The following HNRNPU variants were observed in gnomAD, a reference collection of about 807,000 sequenced individuals.
The protein encoded by HNRNPU is HNRNPU antisense RNA 1.
Under a neutral mutation model 94.7 loss-of-function variants are expected in HNRNPU, and 5 were observed. The observed-to-expected ratio is 0.05, with a 90% CI of 0.03 to 0.11. The LOEUF (loss-of-function observed/expected upper bound fraction) is 0.11, where lower values mean the gene tolerates loss of function less well. Ranked by LOEUF, HNRNPU falls within the 10% of genes least tolerant of loss-of-function variation. The pLI is 1.00. For synonymous variants in HNRNPU, 434 were observed against 381.6 expected, an observed-to-expected ratio of 1.14 and a Z score of -1.60; for missense variants, 710 against 1,049.2, an observed-to-expected ratio of 0.68 and a Z score of 4.47.
Position 244,862,614 on chromosome 1 carries a change from T to C in HNRNPU, c.803+5A>G. 6.2e-7 allele frequency: 1 copy of C among 1,609,092 alleles called. No individual in the cohort carries two copies. Among genetic ancestry groups the C allele is most frequent in the South Asian group, 1.1e-5 (1 of 90,968 alleles). On this transcript the variant is annotated splice_donor_5th_base_variant and intron_variant, in intron 2 of 13. Coordinates refer to ENST00000640218, the MANE Select transcript of HNRNPU (RefSeq NM_031844.3). ...GATGAGTAAAACTAGGTGAGCATCC[T>C]ATACCTGCTATACTTGTTCTCTTCA... is the stretch of plus-strand genomic sequence containing the variant.
In HNRNPU at chr1:244,860,306, A is replaced by T; in HGVS notation, c.1017+29T>A. 1.9e-6 allele frequency: 3 copies of T among 1,599,376 alleles called. No individual in the cohort carries two copies. The South Asian group carries it at 3.4e-5, about 18-fold the overall frequency. ...ACAGAGTGAGACTGTCTCCACAAAC[A>T]AACAAACAAATCATAAAATTGCATT... On this transcript the variant is annotated intron_variant, in intron 4 of 13. Transcript: ENST00000640218.
chr1:244,857,989 T>TA (rs750413170), intron 7 of HNRNPU, 22 bp downstream of exon 7: 8,494 of 1,339,872 alleles, frequency 6.3e-3, no homozygotes, highest in Non-Finnish European at 6.9e-3. Flanking sequence ...ATGCCACAGT[T>TA]AAAAAAAAAA....
rs1195692136 is a variant in HNRNPU, at chr1:244,854,259, T to C, written c.*191A>G. 1 of 588,082 alleles carries C rather than the reference T, an allele frequency of 1.7e-6. No homozygotes were observed. Among genetic ancestry groups the C allele is most frequent in the Non-Finnish European group, 3.0e-6 (1 of 330,392 alleles). 36.4% of individuals were successfully genotyped at this position (588,082 alleles called of 1,614,324 possible). The stretch of plus-strand genomic sequence containing the variant: ...GCACAATGCTGAGGTTCTCTTACGA[T>C]TCACTTTTAAACTGCAATTAAAAAT... On this transcript the variant is annotated 3_prime_UTR_variant, in exon 14 of 14. Transcript: ENST00000640218.
intron 3 of HNRNPU, 138 bp from the exon 4 acceptor site, chr1:244,860,612 C>T (rs1398033235): frequency 3.0e-6 from 2 of 661,634 alleles, no homozygotes; most frequent in Non-Finnish European, 5.2e-6. Context: ...GCTGTTGTTC[C>T]AATTTTCAGT....
intron 3 of HNRNPU, 93 bp from the exon 4 acceptor site, chr1:244,860,567 ACTT>A (rs754464876): frequency 6.2e-6 from 6 of 960,658 alleles, no homozygotes; most frequent in African/African-American, 1.7e-5. Flanking sequence ...TTTTGCATGT[ACTT>A]CTTAATGCTG....
In HNRNPU at chr1:244,852,812, C is replaced by G. The variant is rs1200403610; in HGVS notation, c.*1638G>C. The stretch of plus-strand genomic sequence containing the variant: ...TATAGCAAACCTAAACTTACCAAAG[C>G]AACCTAAAAACACCAAGGAAACGCT... On this transcript the variant is annotated 3_prime_UTR_variant, in exon 14 of 14. Transcript: ENST00000640218. 2 of 152,524 alleles carry G rather than the reference C, an allele frequency of 1.3e-5. No homozygotes were observed. Among genetic ancestry groups the G allele is most frequent in the Non-Finnish European group, 2.9e-5 (2 of 68,020 alleles). 9.4% of individuals were successfully genotyped at this position (152,524 alleles called of 1,614,324 possible).
chr1:244,859,104 C>T (rs767091684), intron 5 of HNRNPU, 171 bp downstream of exon 5: 55 of 577,860 alleles, frequency 9.5e-5, no homozygotes, highest in Non-Finnish European at 1.5e-4. Context: ...AATAAAGGAA[C>T]AAAAACTAAA....
intron 4 of HNRNPU, 53 bp from the exon 5 acceptor site, chr1:244,859,427 T>C: frequency 1.1e-6 from 1 of 880,816 alleles, no homozygotes; most frequent in South Asian, 1.4e-5. Flanking sequence ...AGGTAACCCC[T>C]TAACTCTCGC....
chr1:244,862,819 AT>A, intron 1 of HNRNPU, 89 bp from the exon 2 acceptor site: 1 of 877,134 alleles, frequency 1.1e-6, no homozygotes, highest in Non-Finnish European at 1.9e-6. Context: ...GCTCGACTTT[AT>A]CCTGCTTTTT....
intron 1 of HNRNPU, 176 bp from the exon 2 acceptor site, chr1:244,862,906 G>A (rs1460781513): frequency 1.7e-5 from 11 of 632,556 alleles, no homozygotes; most frequent in Non-Finnish European, 8.5e-6. Flanking sequence ...CGCTAGTGAC[G>A]CAGTCTAAAG....
intron 3 of HNRNPU, chr1:244,861,164 TTC>T (rs2102988503): frequency 6.6e-6 from 1 of 152,332 alleles, no homozygotes; most frequent in Non-Finnish European, 1.5e-5. Flanking sequence ...TTCCTCAGAC[TTC>T]TCACTTGAAC....
chr1:244,856,371 T>G, intron 10 of HNRNPU, 86 bp downstream of exon 10: 2 of 1,391,572 alleles, frequency 1.4e-6, no homozygotes, highest in Admixed American at 4.3e-5. Flanking sequence ...CTAATAGATT[T>G]AACATAGTTA....
At position 244,863,737 on chromosome 1, in the gene HNRNPU, TG is replaced by T; in HGVS notation, c.570del (p.Thr191ProfsTer6). 3 of 1,575,352 alleles carry T rather than the reference TG, an allele frequency of 1.9e-6. No homozygotes were observed. Among genetic ancestry groups the T allele is most frequent in the South Asian group, 1.1e-5 (1 of 88,158 alleles). On this transcript the variant is annotated frameshift_variant, in exon 1 of 14. Transcript: ENST00000640218. LOFTEE classifies it high-confidence loss of function. ...AKEAAGKSSG[P>X]TSLFAVTVAP... ...GCCACCGTCACCGCGAACAGCGAGG[TG>T]GGGCCGCTGCTCTTCCCCGCGGCCT...
At chr1:244,857,878 A>G (rs1019076880) in intron 7 of HNRNPU, 133 bp downstream of exon 7, 4 of 1,298,718 alleles carry the variant, frequency 3.1e-6, no homozygotes, top group African/African-American at 3.0e-5. Flanking sequence ...ATAAGGGGGA[A>G]ACAATTACTT....
Position 244,862,958 on chromosome 1 carries a change from C to T in HNRNPU, c.692-228G>A, listed in dbSNP as rs1036172596. ...CAGTCTCCTCGATGATTCGAGAAAGCCAAAGAAAAACTGCGCGGCCCAGGC... is the reference window on the plus strand; with the variant it reads ...CAGTCTCCTCGATGATTCGAGAAAGTCAAAGAAAAACTGCGCGGCCCAGGC... On this transcript the variant is annotated intron_variant, in intron 1 of 13. Transcript: ENST00000640218. 5 of 573,772 alleles carry T rather than the reference C, an allele frequency of 8.7e-6. No homozygotes were observed. The African/African-American group carries it at 9.4e-5, about 11-fold the overall frequency. The allele number at this position is 573,772 out of a possible 1,614,324, so 35.5% of individuals were successfully genotyped here. A position where few individuals can be genotyped will look rare whatever the true frequency, so the allele number is the denominator to read the frequency against.
intron 6 of HNRNPU, 177 bp from the exon 7 acceptor site, chr1:244,858,451 G>A (rs949799249): frequency 2.1e-5 from 13 of 628,094 alleles, no homozygotes; most frequent in South Asian, 1.2e-4. Flanking sequence ...CATGAAGCAC[G>A]TATCTCCAGA....
At chr1:244,863,051 T>G in intron 1 of HNRNPU, 2 of 302,846 alleles carry the variant, frequency 6.6e-6, no homozygotes, top group Non-Finnish European at 6.1e-6. Flanking sequence ...GCGGCGGCGC[T>G]CCCCTCCCCC....
rs1346406991 is a variant in HNRNPU, at chr1:244,860,290, G to C, written c.1017+45C>G. 19 of 1,563,324 alleles carry C rather than the reference G, an allele frequency of 1.2e-5. No homozygotes were observed. The Admixed American group carries it at 3.1e-4, about 26-fold the overall frequency. ...CAATCCAGCCTAGGGAACAGAGTGAGACTGTCTCCACAAACAAACAAACAA... is the reference window on the plus strand; with the variant it reads ...CAATCCAGCCTAGGGAACAGAGTGACACTGTCTCCACAAACAAACAAACAA... On this transcript the variant is annotated intron_variant, in intron 4 of 13. Transcript: ENST00000640218.
At position 244,854,431 on chromosome 1, in the gene HNRNPU, G is replaced by C; in HGVS notation, c.*19C>G. On this transcript the variant is annotated 3_prime_UTR_variant, in exon 14 of 14. Coordinates refer to ENST00000640218, the MANE Select transcript of HNRNPU (RefSeq NM_031844.3). ...GAAGGTTTTGGAGAAATATGTATCA[G>C]TTCGTTTTATTTGGGTATTCAATAA... 1 of 1,513,506 alleles carries C rather than the reference G, an allele frequency of 6.6e-7. No homozygotes were observed. Among genetic ancestry groups the C allele is most frequent in the Non-Finnish European group, 9.2e-7 (1 of 1,089,946 alleles). The allele number at this position is 1,513,506 out of a possible 1,614,324, so 93.8% of individuals were successfully genotyped here.
Sources: allele counts gnomAD v4.1 joint callset, GRCh38; gene constraint gnomAD v4.1.1; transcripts MANE v1.5; gene names NCBI Gene and HGNC (gene_info 2026-07-23, HGNC 2026-07-21).